GMDS: variants seen among roughly 807,000 people sequenced by gnomAD.
GMDS encodes the protein GDP-mannose 4,6 dehydratase.
GMDS carries 20 observed loss-of-function variants against 49.9 expected under a neutral mutation model. The observed-to-expected ratio is 0.40, with a 90% CI of 0.28 to 0.58. GMDS has a LOEUF of 0.58. Among genes scored for constraint, GMDS ranks in the 20% least tolerant of loss-of-function variants. GMDS has a pLI of 0.42. For synonymous variants in GMDS, 177 were observed against 178.6 expected (o/e 0.99, Z 0.07); for missense variants, 362 against 481.4 (o/e 0.75, Z 2.32).
intron 4 of GMDS, among the ~76,000 whole-genome samples, chr6:2,052,922 T>C (rs1581578122): frequency 6.6e-6 from 1 of 152,328 alleles, no homozygotes; most frequent in East Asian, 1.9e-4. Flanking sequence ...TAGACCTGTG[T>C]CCAACTTTCT....
intron 9 of GMDS, among the ~76,000 whole-genome samples, chr6:1,628,489 T>C (rs1449768253): frequency 6.6e-6 from 1 of 152,240 alleles, no homozygotes; most frequent in Admixed American, 6.5e-5. Flanking sequence ...CTGTATCACA[T>C]AGGATGATTT....
intron 1 of GMDS, among the ~76,000 whole-genome samples, chr6:2,221,362 T>C (rs1441622520): frequency 6.6e-6 from 1 of 152,194 alleles, no homozygotes; most frequent in Non-Finnish European, 1.5e-5. Flanking sequence ...ATTACATTAC[T>C]TAAAGTAGTG....
chr6:1,945,298 G>T (rs1459574366), intron 6 of GMDS, among the ~76,000 whole-genome samples: 1 of 152,012 alleles, frequency 6.6e-6, no homozygotes, highest in African/African-American at 2.4e-5. Flanking sequence ...CTAATGAGAT[G>T]AATGGGCATG....
chr6:1,812,190 C>T (rs908353029), intron 7 of GMDS, among the ~76,000 whole-genome samples: 3 of 152,104 alleles, frequency 2.0e-5, no homozygotes, highest in Non-Finnish European at 2.9e-5. Flanking sequence ...CCTTATAGAA[C>T]GAGGAGGAGC....
At chr6:1,711,572 T>C (rs536827991) in intron 9 of GMDS, among the ~76,000 whole-genome samples, 13 of 152,344 alleles carry the variant, frequency 8.5e-5, no homozygotes, top group African/African-American at 3.1e-4. Flanking sequence ...AAACTCATTT[T>C]GCCAGTTTGC....
intron 1 of GMDS, among the ~76,000 whole-genome samples, chr6:2,146,803 C>T (rs1008992603): frequency 6.6e-6 from 1 of 152,016 alleles, no homozygotes; most frequent in Non-Finnish European, 1.5e-5. Flanking sequence ...GTGCCTTCTA[C>T]TACAATACAC....
At chr6:1,671,666 CTTTT>C (rs35355483) in intron 9 of GMDS, among the ~76,000 whole-genome samples, 3 of 132,808 alleles carry the variant, frequency 2.3e-5, no homozygotes. Flanking sequence ...CTTTTAATTA[CTTTT>C]TTTTTTTTTT....
At chr6:1,626,976 T>A (rs953836589) in intron 9 of GMDS, among the ~76,000 whole-genome samples, 2 of 152,262 alleles carry the variant, frequency 1.3e-5, no homozygotes, top group African/African-American at 4.8e-5. Flanking sequence ...CTAGCTCCAA[T>A]ACTGCAGTCT....
intron 7 of GMDS, among the ~76,000 whole-genome samples, chr6:1,803,671 A>G (rs1327837552): frequency 6.6e-6 from 1 of 152,240 alleles, no homozygotes; most frequent in Non-Finnish European, 1.5e-5. Flanking sequence ...CAATAATTAA[A>G]GAAATACCTG....
At chr6:1,753,124 T>C (rs1440446674) in intron 7 of GMDS, among the ~76,000 whole-genome samples, 1 of 152,162 alleles carries the variant, frequency 6.6e-6, no homozygotes, top group Non-Finnish European at 1.5e-5. Context: ...ATCGGTGTGC[T>C]GTATTCAGGA....
chr6:2,031,381 C>T (rs1768953367), intron 4 of GMDS, among the ~76,000 whole-genome samples: 1 of 151,818 alleles, frequency 6.6e-6, no homozygotes, highest in African/African-American at 2.4e-5. Flanking sequence ...TAGCAGTGAA[C>T]CAAACAACTA....
At chr6:2,195,722 C>T (rs1779249157) in intron 1 of GMDS, among the ~76,000 whole-genome samples, 2 of 151,408 alleles carry the variant, frequency 1.3e-5, no homozygotes, top group South Asian at 4.2e-4. Context: ...CAGCTCATGC[C>T]TATAACCCCA....
chr6:1,756,160 G>T (rs773333838), intron 7 of GMDS, among the ~76,000 whole-genome samples: 4 of 152,118 alleles, frequency 2.6e-5, no homozygotes, highest in Non-Finnish European at 5.9e-5. Flanking sequence ...AATAATGTAT[G>T]AAAGAAGCTT....
At chr6:1,953,531 T>C (rs1435456666) in intron 6 of GMDS, among the ~76,000 whole-genome samples, 1 of 152,236 alleles carries the variant, frequency 6.6e-6, no homozygotes, top group Non-Finnish European at 1.5e-5. Flanking sequence ...TTTATAGTTT[T>C]GTAAAGGTCA....
intron 1 of GMDS, among the ~76,000 whole-genome samples, chr6:2,210,238 G>A (rs1397367670): frequency 6.6e-6 from 1 of 152,136 alleles, no homozygotes; most frequent in Non-Finnish European, 1.5e-5. Flanking sequence ...CACCACACAA[G>A]GCAGGCCAAG....
chr6:2,163,978 C>A (rs376424928), intron 1 of GMDS, among the ~76,000 whole-genome samples: 1 of 152,324 alleles, frequency 6.6e-6, no homozygotes, highest in Admixed American at 6.5e-5. Context: ...AGGTCTTTAA[C>A]GACAAATCTA....
chr6:2,137,639 T>C (rs1776076840), intron 1 of GMDS, among the ~76,000 whole-genome samples: 2 of 152,178 alleles, frequency 1.3e-5, no homozygotes, highest in Non-Finnish European at 2.9e-5. Flanking sequence ...CGGCCCATAT[T>C]CCCTTTTTAA....
chr6:1,977,950 G>C (rs1170739080), intron 4 of GMDS, among the ~76,000 whole-genome samples: 1 of 152,140 alleles, frequency 6.6e-6, no homozygotes. Context: ...CCTAGGAAAG[G>C]GGCTGAATCC....
At chr6:2,181,655 T>C (rs1778537570) in intron 1 of GMDS, among the ~76,000 whole-genome samples, 1 of 152,228 alleles carries the variant, frequency 6.6e-6, no homozygotes, top group African/African-American at 2.4e-5. Flanking sequence ...ATCAGTCATC[T>C]TTGTTACCAC....
Sources: allele counts gnomAD v4.1 joint callset (sites outside exome capture counted in the v4.1 genomes callset), GRCh38; gene constraint gnomAD v4.1.1; transcripts MANE v1.5; gene names NCBI Gene and HGNC (gene_info 2026-07-23, HGNC 2026-07-21).